The following EZH1 variants were observed in gnomAD, a reference collection of about 807,000 sequenced individuals.
EZH1 encodes the protein enhancer of zeste 1 polycomb repressive complex 2 subunit.
Under a neutral mutation model 100.5 loss-of-function variants are expected in EZH1, and 33 were observed. That is an observed-to-expected ratio of 0.33 (90% CI 0.25 to 0.44). EZH1 has a LOEUF of 0.44. EZH1 is among the 20% of genes least tolerant of loss of function. EZH1 has a pLI of 1.00. For synonymous variants in EZH1, 272 were observed against 313.8 expected, an observed-to-expected ratio of 0.87 and a Z score of 1.41; for missense variants, 475 against 928.4, an observed-to-expected ratio of 0.51 and a Z score of 6.35.
intron 19 of EZH1, 68 bp from the exon 20 acceptor site, chr17:42,703,029 G>T: frequency 6.7e-7 from 1 of 1,489,554 alleles, no homozygotes; most frequent in South Asian, 1.1e-5. Flanking sequence ...TAGGCTTCTG[G>T]GTTGATTTTC....
At chr17:42,739,804 G>A (rs532170567) in intron 1 of EZH1, among the ~76,000 whole-genome samples, 66 of 149,618 alleles carry the variant, frequency 4.4e-4, no homozygotes, top group Non-Finnish European at 7.7e-4. Flanking sequence ...TTTTTTTTGA[G>A]ACAGAGTCTC....
chr17:42,735,052 G>A (rs570643064), intron 1 of EZH1, among the ~76,000 whole-genome samples: 1 of 141,286 alleles, frequency 7.1e-6, no homozygotes, highest in East Asian at 2.5e-4. Flanking sequence ...CGGGAGGGAG[G>A]GAAGGAAACA....
At chr17:42,738,212 TCTTAAA>T (rs971614034) in intron 1 of EZH1, among the ~76,000 whole-genome samples, 9 of 151,262 alleles carry the variant, frequency 5.9e-5, no homozygotes, top group South Asian at 2.1e-4. Context: ...AGGAACAAGT[TCTTAAA>T]CTTAGAGAGA....
intron 5 of EZH1, 111 bp from the exon 6 acceptor site, chr17:42,723,026 GC>G: frequency 7.0e-7 from 1 of 1,426,628 alleles, no homozygotes; most frequent in South Asian, 1.5e-5. Context: ...TCCTGAAAAT[GC>G]CTTTGTCCCA....
Position 42,709,844 on chromosome 17 carries a change from G to A in EZH1, c.1493+2C>T, listed in dbSNP as rs772804313. ...CAAAACACTTTGTCCAACCCTTCTT[G>A]CCTGTGCTTTCTTTTCTTCTTCTGT... On this transcript the variant is annotated splice_donor_variant, in intron 13 of 20. Transcript: ENST00000428826. LOFTEE classifies it low-confidence loss of function (GC_TO_GT_DONOR). 34 of 1,613,790 alleles carry A rather than the reference G, an allele frequency of 2.1e-5. No homozygotes were observed. The Admixed American group carries it at 2.5e-4, about 12-fold the overall frequency.
chr17:42,738,883 C>T (rs894201455), intron 1 of EZH1, among the ~76,000 whole-genome samples: 2 of 151,766 alleles, frequency 1.3e-5, no homozygotes, highest in Admixed American at 6.6e-5. Flanking sequence ...CCTCCACCCC[C>T]CCTGAGTAGC....
In EZH1 at chr17:42,718,111, G is replaced by T; in HGVS notation, c.932-44C>A. The T allele has an allele frequency of 1.3e-6, 2 of 1,519,568 alleles. No individual in the cohort carries two copies. Among genetic ancestry groups the T allele is most frequent in the South Asian group, 2.3e-5 (2 of 88,754 alleles). The allele number at this position is 1,519,568 out of a possible 1,614,324, so 94.1% of individuals were successfully genotyped here. ...CTTGTTGCCAGTGGTCTATCCACTTGACAAGATGGGGAGAAACAAAAGTGA... is the reference window on the plus strand; with the variant it reads ...CTTGTTGCCAGTGGTCTATCCACTTTACAAGATGGGGAGAAACAAAAGTGA... On this transcript the variant is annotated intron_variant, in intron 9 of 20. Transcript: ENST00000428826. This position sits in a 1 kb window ranked among gnomAD's most constrained non-coding sequence, Gnocchi z 4.2.
chr17:42,707,813 C>G (rs1477803413), intron 15 of EZH1, 145 bp downstream of exon 15: 10 of 997,152 alleles, frequency 1.0e-5, no homozygotes, highest in Non-Finnish European at 1.5e-5. Flanking sequence ...ATCTCATGCA[C>G]TTATTTCATT....
At chr17:42,704,800 T>G (rs574433480) in intron 17 of EZH1, 117 bp from the exon 18 acceptor site, 1 of 782,972 alleles carries the variant, frequency 1.3e-6, no homozygotes, top group East Asian at 2.7e-5. Flanking sequence ...AGCATCATGA[T>G]GAGAATCACA....
intron 7 of EZH1, 58 bp downstream of exon 7, chr17:42,720,215 T>A: frequency 6.5e-7 from 1 of 1,538,042 alleles, no homozygotes; most frequent in South Asian, 1.3e-5. Context: ...TTCCAGTTCT[T>A]CCTTCTTCCC....
rs758390115 is a variant in EZH1, at chr17:42,706,169, A to G, written c.1677T>C (p.Pro559=). 6 of 1,610,540 alleles carry G rather than the reference A, an allele frequency of 3.7e-6. No individual in the cohort carries two copies. The South Asian group carries it at 6.6e-5, about 18-fold the overall frequency. Residue 559 remains proline (P), a synonymous_variant, in exon 16 of 21, where the codon CCT becomes CCC. Coordinates refer to ENST00000428826, the MANE Select transcript of EZH1 (RefSeq NM_001991.5). This position sits in a 1 kb window ranked among gnomAD's most constrained non-coding sequence, Gnocchi z 4.4. ...TGCACTGGGTCTTACAGCGACAGCC[A>G]GGGAAACGATTCTGACCTGGGAAGG... ...QCNPDCQNRF[P]GCRCKTQCNT... is the part of the protein sequence containing the mutation.
At chr17:42,703,627 G>T in intron 19 of EZH1, 113 bp downstream of exon 19, 1 of 756,058 alleles carries the variant, frequency 1.3e-6, no homozygotes, top group South Asian at 1.6e-5. Flanking sequence ...TATTAATCAT[G>T]ATTATCTTTG....
At chr17:42,728,507 T>C (rs1597854696) in intron 3 of EZH1, among the ~76,000 whole-genome samples, 1 of 149,754 alleles carries the variant, frequency 6.7e-6, no homozygotes, top group Non-Finnish European at 1.5e-5. Context: ...TTTGGGAGGC[T>C]GAGGCGGGCG....
intron 4 of EZH1, 28 bp downstream of exon 4, chr17:42,727,607 A>C: frequency 2.0e-5 from 32 of 1,593,604 alleles, no homozygotes; most frequent in Non-Finnish European, 2.6e-5. Context: ...GGAAGAGAGG[A>C]AGACTGAGCT....
chr17:42,701,783 C>A lies in EZH1; in HGVS notation c.*749G>T, dbSNP rs2053244794. 6.6e-6 allele frequency: 1 copy of A among 152,384 alleles called. No homozygotes were observed. Among genetic ancestry groups the A allele is most frequent in the Non-Finnish European group, 1.5e-5 (1 of 68,054 alleles). 9.4% of individuals were successfully genotyped at this position (152,384 alleles called of 1,614,324 possible). A position where few individuals can be genotyped will look rare whatever the true frequency, so the allele number is the denominator to read the frequency against. On this transcript the variant is annotated 3_prime_UTR_variant, in exon 21 of 21. Transcript: ENST00000428826. ...TGTTCCCAGGAATCTGAAAACACTTCTCCATCTATCTCCAGAGTACACAGA... is the reference window on the plus strand; with the variant it reads ...TGTTCCCAGGAATCTGAAAACACTTATCCATCTATCTCCAGAGTACACAGA...
intron 4 of EZH1, 39 bp downstream of exon 4, chr17:42,727,596 A>G: frequency 6.3e-7 from 1 of 1,584,054 alleles, no homozygotes; most frequent in East Asian, 2.3e-5. Context: ...TTTAAGCCCA[A>G]GGAAGAGAGG....
intron 3 of EZH1, 125 bp downstream of exon 3, chr17:42,728,700 C>T: frequency 1.1e-6 from 1 of 931,304 alleles, no homozygotes; most frequent in South Asian, 1.8e-5. Context: ...TGAGATTACG[C>T]CACTGCACTC....
chr17:42,709,824 C>T (rs773842228), intron 13 of EZH1, 22 bp downstream of exon 13: 14 of 1,612,394 alleles, frequency 8.7e-6, no homozygotes, highest in African/African-American at 6.7e-5. Context: ...TAAAACAAAA[C>T]ACTTTGTCCA....
chr17:42,708,092 G>T lies in EZH1; in HGVS notation c.1535-9C>A, dbSNP rs1401587172. On this transcript the variant is annotated splice_polypyrimidine_tract_variant and intron_variant, in intron 14 of 20. Coordinates refer to ENST00000428826, the MANE Select transcript of EZH1 (RefSeq NM_001991.5). ...TTGTGTGGAAGAGTTATCTAGGAAA[G>T]AAAACAGAGGAGGATGCTGCTGTGA... 1.9e-6 allele frequency: 3 copies of T among 1,594,782 alleles called. No homozygotes were observed. In the Admixed American group the frequency reaches 5.3e-5, roughly 28 times the overall value.
Sources: allele counts gnomAD v4.1 joint callset (sites outside exome capture counted in the v4.1 genomes callset), GRCh38; gene constraint gnomAD v4.1.1; non-coding constraint Gnocchi (gnomAD v3.1); transcripts MANE v1.5; gene names NCBI Gene and HGNC (gene_info 2026-07-23, HGNC 2026-07-21).